Variants in BAZ2A observed in about 807,000 individuals in gnomAD.
The protein encoded by BAZ2A is bromodomain adjacent to zinc finger domain 2A.
Under a neutral mutation model 199.9 loss-of-function variants are expected in BAZ2A, and 34 were observed. That is an observed-to-expected ratio of 0.17 (90% CI 0.13 to 0.23). BAZ2A has a LOEUF of 0.23. Among genes scored for constraint, BAZ2A ranks in the 10% least tolerant of loss-of-function variants. The probability of loss-of-function intolerance (pLI) is 1.00; values close to 1 mark genes in which losing one functional copy is unlikely to be tolerated. For missense variants in BAZ2A, 2,002 were observed against 2,391.1 expected (o/e 0.84, Z 3.39); for synonymous variants, 857 against 883.9 (o/e 0.97, Z 0.54).
At chr12:56,625,256 A>G (rs922579696) in intron 1 of BAZ2A, among the ~76,000 whole-genome samples, 1 of 150,702 alleles carries the variant, frequency 6.6e-6, no homozygotes, top group Non-Finnish European at 1.5e-5. Context: ...CCCCGGTTCA[A>G]GCAATTCTCC....
rs1885706152 is a variant in BAZ2A, at chr12:56,595,607, G to A, written c.*3011C>T. ...AATAAAACACAAAAGTCTACGTCTTGGTGTCTTATCCGTGAGTGGGAAGTG... is the reference window on the plus strand; with the variant it reads ...AATAAAACACAAAAGTCTACGTCTTAGTGTCTTATCCGTGAGTGGGAAGTG... On this transcript the variant is annotated 3_prime_UTR_variant, in exon 29 of 29. Transcript: ENST00000549884. The A allele has an allele frequency of 6.6e-6, 1 of 151,286 alleles. No individual in the cohort carries two copies. Among genetic ancestry groups the A allele is most frequent in the African/African-American group, 2.4e-5 (1 of 41,092 alleles). 9.4% of individuals were successfully genotyped at this position (151,286 alleles called of 1,614,324 possible).
chr12:56,610,378 G>C (rs1950521992), intron 8 of BAZ2A, 31 bp downstream of exon 8: 2 of 1,607,988 alleles, frequency 1.2e-6, no homozygotes, highest in South Asian at 1.1e-5. Context: ...CTGAGCCCAA[G>C]AAAGCAGTCC....
At chr12:56,636,419 G>A, upstream of BAZ2A, 1 of 1,352,812 alleles carries the variant, frequency 7.4e-7, no homozygotes, top group South Asian at 1.7e-5. Flanking sequence ...GCTTTCTCTG[G>A]GTGGAGAGAG....
intron 14 of BAZ2A, 48 bp from the exon 15 acceptor site, chr12:56,604,847 C>A: frequency 6.3e-7 from 1 of 1,575,706 alleles, no homozygotes; most frequent in Middle Eastern, 1.7e-4. Flanking sequence ...AGATGCACAA[C>A]CAAGTTGGGT....
upstream of BAZ2A, among the ~76,000 whole-genome samples, chr12:56,637,363 C>T (rs1372600767): frequency 6.6e-6 from 1 of 152,230 alleles, no homozygotes; most frequent in Non-Finnish European, 1.5e-5. Flanking sequence ...AGTTTAGAAG[C>T]CCAAGCCAGC....
intron 1 of BAZ2A, among the ~76,000 whole-genome samples, chr12:56,619,508 C>CAAAAAAAAAAAAA (rs397850754): frequency 1.2e-5 from 1 of 84,778 alleles, no homozygotes; most frequent in Non-Finnish European, 2.4e-5. Context: ...GACCCTGTCT[C>CAAAAAAAAAAAAA]AAAAAAAAAA....
chr12:56,601,708 C>T lies in BAZ2A; in HGVS notation c.3909G>A (p.Pro1303=), dbSNP rs372217255. The T allele has an allele frequency of 5.4e-5, 87 of 1,613,884 alleles. No homozygotes were observed. In the African/African-American group the frequency reaches 6.9e-4, roughly 13 times the overall value. The change falls in exon 20 of 29, where the codon CCG becomes CCA. Residue 1303 remains proline (P), a synonymous_variant. Coordinates refer to ENST00000549884, the MANE Select transcript of BAZ2A (RefSeq NM_001300905.2). ...GKLDPAPSQP[P]EEPEPDEAES... is the part of the protein sequence containing the mutation. ...CTGCCTCATCAGGCTCTGGCTCCTC[C>T]GGGGGTTGTGATGGAGCTGGGTCTA... is the stretch of plus-strand genomic sequence containing the variant.
intron 1 of BAZ2A, among the ~76,000 whole-genome samples, chr12:56,626,329 A>G (rs962973632): frequency 3.3e-5 from 5 of 152,232 alleles, no homozygotes; most frequent in Non-Finnish European, 1.5e-5. Flanking sequence ...ACAAGGTCAA[A>G]CATCATTATC....
chr12:56,610,542 G>A (rs371385634), intron 7 of BAZ2A, 25 bp from the exon 8 acceptor site: 5 of 1,595,656 alleles, frequency 3.1e-6, no homozygotes, highest in Non-Finnish European at 4.3e-6. Context: ...CATGGGCCCT[G>A]CCGCCAGGTC....
Position 56,606,034 on chromosome 12 carries a change from C to A in BAZ2A, c.2289G>T (p.Gln763His). 1 of 1,551,590 alleles carries A rather than the reference C, an allele frequency of 6.4e-7. No individual in the cohort carries two copies. The highest frequency in any genetic ancestry group is 8.7e-7 in the Non-Finnish European group (1 of 1,147,008). ...TCTTGACTTTTTCCTTCAGTTTTTC[C>A]TGCTTTGTCTTTCCTTTTTCTTTCT... is the stretch of plus-strand genomic sequence containing the variant. The part of the protein sequence containing the change: ...KAEKEKGKTK[Q>H]EKLKEKVKRE... The change falls in exon 13 of 29, where the codon CAG becomes CAT. Residue 763 changes from glutamine (Q) to histidine (H), a missense_variant. Physicochemically the swap from Gln to His is conservative, Grantham distance 24. Around this residue, in one of 6 missense-constraint regions of BAZ2A, gnomAD observed 1,081 missense variants for 1,274.7 expected, o/e 0.85. Coordinates refer to ENST00000549884, the MANE Select transcript of BAZ2A (RefSeq NM_001300905.2).
chr12:56,625,497 C>T (rs1474646862), intron 1 of BAZ2A, among the ~76,000 whole-genome samples: 1 of 152,064 alleles, frequency 6.6e-6, no homozygotes, highest in African/African-American at 2.4e-5. Flanking sequence ...CCTTTCCACC[C>T]CCAAATATGA....
chr12:56,626,138 G>C (rs1951091433), intron 1 of BAZ2A, among the ~76,000 whole-genome samples: 1 of 152,030 alleles, frequency 6.6e-6, no homozygotes, highest in South Asian at 2.1e-4. Flanking sequence ...ATAATAACAA[G>C]CTGGTGAAAA....
Position 56,603,375 on chromosome 12 carries a change from A to G in BAZ2A, c.3263T>C (p.Ile1088Thr), listed in dbSNP as rs566117837. 3.7e-6 allele frequency: 6 copies of G among 1,613,998 alleles called. No homozygotes were observed. The Admixed American group carries it at 8.3e-5, about 22-fold the overall frequency. The change falls in exon 18 of 29, where the codon ATA becomes ACA. Residue 1088 changes from isoleucine to threonine, a missense_variant. This residue lies in a region of BAZ2A where 1,081 missense variants were observed against 1,274.7 expected (regional missense o/e 0.85). Transcript: ENST00000549884. ...GCACAATACCTTGCTGAGTTTTTCTATCTGGCGCTCTAGCTCTGGGATGCT... is the reference window on the plus strand; with the variant it reads ...GCACAATACCTTGCTGAGTTTTTCTGTCTGGCGCTCTAGCTCTGGGATGCT... The part of the protein sequence containing the change: ...ASSIPELERQ[I>T]EKLSKRQLFF...
intron 3 of BAZ2A, chr12:56,614,401 C>G: frequency 2.6e-6 from 1 of 381,500 alleles, no homozygotes; most frequent in Non-Finnish European, 4.8e-6. Context: ...TCTCCTCCAT[C>G]CATTGGGAAA....
In BAZ2A at chr12:56,610,513, G is replaced by A. The variant is rs762761385; in HGVS notation, c.1675C>T (p.Arg559Trp). ...EVRLPLQHGW[R>W]REVRIKKGSH... The stretch of plus-strand genomic sequence containing the variant: ...CCCTTCTTGATGCGCACCTCTCTCC[G>A]CCACCTGCCAGAGAAGCACATGGGC... The change falls in exon 8 of 29, where the codon CGG (arginine) becomes TGG (tryptophan). Residue 559 changes from arginine to tryptophan, a missense_variant. By Grantham distance (101) the Arg-to-Trp change is moderately radical. This residue lies in a region of BAZ2A where 641 missense variants were observed against 694.5 expected (regional missense o/e 0.92). Transcript: ENST00000549884. 3 of 1,608,910 alleles carry A rather than the reference G, an allele frequency of 1.9e-6. No homozygotes were observed. Among genetic ancestry groups the A allele is most frequent in the Admixed American group, 1.7e-5 (1 of 59,136 alleles).
In BAZ2A at chr12:56,598,929, G is replaced by A. The variant is rs1056772126; in HGVS notation, c.5485C>T (p.Arg1829Trp). 5.6e-6 allele frequency: 9 copies of A among 1,606,514 alleles called. No individual in the cohort carries two copies. The highest frequency in any genetic ancestry group is 1.3e-5 in the African/African-American group (1 of 74,710). ...PVNPRLVSGY[R>W]RIIKNPMDFS... ...TCCATAGGATTTTTGATGATGCGCC[G>A]GTACCCACTCACCAAACGTGGGTTC... Residue 1829 changes from arginine (R) to tryptophan (W), a missense_variant, in exon 28 of 29, where the codon CGG becomes TGG. Physicochemically the swap from Arg to Trp is moderately radical, Grantham distance 101. Around this residue, in one of 6 missense-constraint regions of BAZ2A, gnomAD observed 76 missense variants for 139.3 expected, o/e 0.55. Transcript: ENST00000549884.
At chr12:56,626,397 T>C (rs1951097813) in intron 1 of BAZ2A, among the ~76,000 whole-genome samples, 1 of 152,216 alleles carries the variant, frequency 6.6e-6, no homozygotes, top group African/African-American at 2.4e-5. Flanking sequence ...GCTTGACCTC[T>C]TCAGTGGTGA....
At position 56,605,940 on chromosome 12, in the gene BAZ2A, C is replaced by T; in HGVS notation, c.2383G>A (p.Ala795Thr). Residue 795 changes from alanine (A) to threonine (T), a missense_variant, in exon 13 of 29, where the codon GCA becomes ACA. By Grantham distance (58) the Ala-to-Thr change is moderately conservative. Around this residue, in one of 6 missense-constraint regions of BAZ2A, gnomAD observed 1,081 missense variants for 1,274.7 expected, o/e 0.85. Transcript: ENST00000549884. ...EVTKAKPACK[A>T]DKTLATQRRL... The stretch of plus-strand genomic sequence containing the variant: ...CTCTGTGTGGCCAGGGTCTTATCTG[C>T]TTTACAGGCTGGCTTGGCTTTGGTC... 1 of 1,563,050 alleles carries T rather than the reference C, an allele frequency of 6.4e-7. No individual in the cohort carries two copies. The highest frequency in any genetic ancestry group is 8.7e-7 in the Non-Finnish European group (1 of 1,153,060).
intron 7 of BAZ2A, chr12:56,611,315 T>C: frequency 3.6e-6 from 2 of 555,608 alleles, no homozygotes. Context: ...GAAAAGATAA[T>C]AGCTGGAGCT....
Sources: gnomAD v4.1 joint callset for allele counts (sites outside exome capture counted in the v4.1 genomes callset) on GRCh38, gnomAD v4.1.1 for gene constraint, gnomAD v4.1.1 regional missense constraint, MANE v1.5 for transcripts, NCBI Gene and HGNC (gene_info 2026-07-23, HGNC 2026-07-21) for gene names.